Variants in CPLANE1 observed in about 807,000 individuals in gnomAD.
CPLANE1 encodes the protein ciliogenesis and planar polarity effector 1.
CPLANE1 carries 263 observed loss-of-function variants against 362.5 expected under a neutral mutation model. The observed-to-expected ratio is 0.73, with a 90% CI of 0.66 to 0.80. CPLANE1 has a LOEUF of 0.80. Among genes scored for constraint, CPLANE1 ranks in the 30% least tolerant of loss-of-function variants. CPLANE1 has a pLI of 0.00. For missense variants in CPLANE1, 3,461 were observed against 3,793.4 expected (o/e 0.91, Z 2.30); for synonymous variants, 1,212 against 1,302.6 (o/e 0.93, Z 1.50).
intron 35 of CPLANE1, among the ~76,000 whole-genome samples, chr5:37,166,224 T>A: frequency 6.6e-6 from 1 of 152,214 alleles, no homozygotes; most frequent in East Asian, 1.9e-4. Context: ...CCAATCAATA[T>A]ATGCGGTAAA....
chr5:37,082,764 A>AT, the CPLANE1 span, among the ~76,000 whole-genome samples: 1 of 136,058 alleles, frequency 7.3e-6, no homozygotes, highest in African/African-American at 3.1e-5. Context: ...GTACGTGGAA[A>AT]CCCAAAAAAA....
rs111527747 is a variant in CPLANE1 at position 37,244,352 on chromosome 5, T to A, written c.570+23A>T. The A allele has an allele frequency of 8.2e-4, 1,222 of 1,487,774 alleles. 12 individuals are homozygous for A. In the African/African-American group the frequency reaches 0.015, roughly 19 times the overall value. 92.2% of individuals were successfully genotyped at this position (1,487,774 alleles called of 1,614,324 possible). On this transcript the variant is annotated intron_variant, in intron 5 of 52. Coordinates refer to ENST00000651892, the MANE Select transcript of CPLANE1 (RefSeq NM_001384732.1). ...ACACTCTGCTAATCTGCTTCACAGA[T>A]AAGAGTCTGAGACTGATTTTACCTC... is the stretch of plus-strand genomic sequence containing the variant.
Position 37,211,781 on chromosome 5 carries a change from A to G in CPLANE1, c.2920+1778T>C. ...TTTACTGGAGACAAAATGAACTTCA[A>G]GACAAAAGTGAATTTTCAGATGCGG... On this transcript the variant is annotated intron_variant, in intron 16 of 52. Transcript: ENST00000651892. 4 of 797,728 alleles carry G rather than the reference A, an allele frequency of 5.0e-6. No homozygotes were observed. In the South Asian group the frequency reaches 5.3e-5, roughly 11 times the overall value. The allele number at this position is 797,728 out of a possible 1,614,324, so 49.4% of individuals were successfully genotyped here.
At position 37,183,051 on chromosome 5, in the gene CPLANE1, C is replaced by A; in HGVS notation, c.5130G>T (p.Lys1710Asn). Residue 1710 changes from lysine to asparagine, a missense_variant, in exon 26 of 53, where the codon AAG (lysine) becomes AAT (asparagine). This residue lies in a region of CPLANE1 where 3,380 missense variants were observed against 3,666.1 expected (regional missense o/e 0.92). Transcript: ENST00000651892. ...RSSNHIFWTPKSIKTRRCIFK... is the reference protein window; with the variant it reads ...RSSNHIFWTPNSIKTRRCIFK... ...AAATACATCTTCTAGTTTTAATGGA[C>A]TTGGGAGTCCAAAAAATGTGGTTTG... 1 of 1,613,396 alleles carries A rather than the reference C, an allele frequency of 6.2e-7. No individual in the cohort carries two copies. Among genetic ancestry groups the A allele is most frequent in the Non-Finnish European group, 8.5e-7 (1 of 1,179,904 alleles).
At chr5:37,129,519 C>A (rs773914761) in intron 46 of CPLANE1, among the ~76,000 whole-genome samples, 1 of 152,002 alleles carries the variant, frequency 6.6e-6, no homozygotes, top group Non-Finnish European at 1.5e-5. Context: ...GAACTAATAT[C>A]CAGAATATAC....
At chr5:37,189,685 G>A (rs1784948820) in intron 21 of CPLANE1, among the ~76,000 whole-genome samples, 1 of 152,076 alleles carries the variant, frequency 6.6e-6, no homozygotes, top group Admixed American at 6.5e-5. Flanking sequence ...TTTTAAAATA[G>A]AATACAACAG....
chr5:37,149,908 A>G (rs2150551600), intron 42 of CPLANE1, among the ~76,000 whole-genome samples: 1 of 152,326 alleles, frequency 6.6e-6, no homozygotes, highest in Non-Finnish European at 1.5e-5. Flanking sequence ...ATGTGATTTT[A>G]TTAGTGCCAG....
chr5:37,151,786 C>A (rs1393422147), intron 42 of CPLANE1, among the ~76,000 whole-genome samples: 3 of 151,978 alleles, frequency 2.0e-5, no homozygotes, highest in African/African-American at 7.3e-5. Flanking sequence ...CAGTGGCTCA[C>A]ACCTGTAATC....
At chr5:37,129,580 A>G (rs1765185371) in intron 46 of CPLANE1, among the ~76,000 whole-genome samples, 1 of 152,144 alleles carries the variant, frequency 6.6e-6, no homozygotes, top group Non-Finnish European at 1.5e-5. Flanking sequence ...AAAACAATAG[A>G]GTTAAGGCAT....
intron 47 of CPLANE1, 158 bp downstream of exon 47, chr5:37,125,086 T>C: frequency 1.5e-6 from 2 of 1,374,340 alleles, no homozygotes; most frequent in Non-Finnish European, 1.9e-6. Flanking sequence ...CATTTTAAGA[T>C]AATTTATTAA....
rs1257200720 is a variant in CPLANE1 at position 37,125,365 on chromosome 5, T to C, written c.8837A>G (p.Glu2946Gly). ...CATCCAGGCTTGAATCTCTCTTCTT[T>C]CCTTGTCAGTTCTTTGTGAATGTCT... ...SGRHSQRTDK[E>G]RREIQAWMKR... The change falls in exon 47 of 53, where the codon GAA becomes GGA. Residue 2946 changes from glutamate to glycine, a missense_variant. By Grantham distance (98) the Glu-to-Gly change is moderately conservative (BLOSUM62 -2). Transcript: ENST00000651892. The C allele has an allele frequency of 6.2e-7, 1 of 1,613,728 alleles. No homozygotes were observed. The highest frequency in any genetic ancestry group is 8.5e-7 in the Non-Finnish European group (1 of 1,179,970).
intron 35 of CPLANE1, among the ~76,000 whole-genome samples, chr5:37,166,698 G>T (rs528718864): frequency 2.0e-5 from 3 of 152,214 alleles, no homozygotes; most frequent in Admixed American, 2.0e-4. Context: ...TGAAGGTCTT[G>T]GCATGTATTC....
intron 43 of CPLANE1, among the ~76,000 whole-genome samples, chr5:37,145,509 C>A (rs1364943175): frequency 6.6e-6 from 1 of 152,082 alleles, no homozygotes; most frequent in South Asian, 2.1e-4. Context: ...TAGCATACTA[C>A]AACCTTTAAT....
chr5:37,148,211 C>A lies in CPLANE1; in HGVS notation c.8431G>T (p.Ala2811Ser). ...TCAGAAATGCTAATGGTTTTTGAAG[C>A]TAATGTTTTTTTGAATTCAGGGCCA... The part of the protein sequence containing the change: ...SSGPEFKKTL[A>S]SKTISISEEV... Residue 2811 changes from alanine (A) to serine (S), a missense_variant, in exon 43 of 53, where the codon GCT becomes TCT. Around this residue, in one of 2 missense-constraint regions of CPLANE1, gnomAD observed 3,380 missense variants for 3,666.1 expected, o/e 0.92. Transcript: ENST00000651892. The A allele has an allele frequency of 6.2e-7, 1 of 1,612,946 alleles. No homozygotes were observed. Among genetic ancestry groups the A allele is most frequent in the Non-Finnish European group, 8.5e-7 (1 of 1,179,370 alleles).
the CPLANE1 span, among the ~76,000 whole-genome samples, chr5:37,077,098 C>A: frequency 6.6e-6 from 1 of 151,980 alleles, no homozygotes; most frequent in Non-Finnish European, 1.5e-5. Flanking sequence ...AGGGATTGAG[C>A]CACTTTGCAG....
intron 30 of CPLANE1, 147 bp from the exon 31 acceptor site, chr5:37,176,133 T>G (rs1781102602): frequency 1.8e-6 from 1 of 564,094 alleles, no homozygotes; most frequent in African/African-American, 1.9e-5. Flanking sequence ...CTGTTTACAT[T>G]TGTCTCCATA....
At position 37,204,982 on chromosome 5, in the gene CPLANE1, C is replaced by A. The variant is rs919966328; in HGVS notation, c.3289+333G>T. 2.6e-5 allele frequency among the ~76,000 whole-genome samples: 4 copies of A among 152,230 alleles called. No homozygotes were observed. In the South Asian group the frequency reaches 8.3e-4, roughly 32 times the overall value. ...GACCAGCCTGGCCAACAAGGTGAAACCCTGTCTCTACAAACACTACAAAAA... is the reference window on the plus strand; with the variant it reads ...GACCAGCCTGGCCAACAAGGTGAAAACCTGTCTCTACAAACACTACAAAAA... On this transcript the variant is annotated intron_variant, in intron 18 of 52. Transcript: ENST00000651892.
In CPLANE1 at chr5:37,239,138, A is replaced by C. The variant is rs7735138; in HGVS notation, c.835-178T>G. 0.41 allele frequency among the ~76,000 whole-genome samples: 62,813 copies of C among 151,964 alleles called. 13,187 individuals are homozygous for C. The highest frequency in any genetic ancestry group is 0.49 in the African/African-American group (20,486 of 41,440). On this transcript the variant is annotated intron_variant, in intron 7 of 52. Coordinates refer to ENST00000651892, the MANE Select transcript of CPLANE1 (RefSeq NM_001384732.1). The stretch of plus-strand genomic sequence containing the variant: ...TTTGCTCTTTTATGTTCCACCTTAA[A>C]AACATTAGTTACCACAATGCTCTTC...
chr5:37,196,402 T>C (rs1468548030), intron 20 of CPLANE1, among the ~76,000 whole-genome samples: 4 of 152,080 alleles, frequency 2.6e-5, no homozygotes, highest in Non-Finnish European at 5.9e-5. Flanking sequence ...AAAACTAATC[T>C]ATAAATGGCA....
Sources: allele counts gnomAD v4.1 joint callset (sites outside exome capture counted in the v4.1 genomes callset), GRCh38; gene constraint gnomAD v4.1.1; regional missense constraint gnomAD v4.1.1; transcripts MANE v1.5; gene names NCBI Gene and HGNC (gene_info 2026-07-23, HGNC 2026-07-21).